ZNF573: variants seen among roughly 807,000 people sequenced by gnomAD.
The protein encoded by ZNF573 is zinc finger protein 573.
Under a neutral mutation model 57.4 loss-of-function variants are expected in ZNF573, and 41 were observed. That is an observed-to-expected ratio of 0.71 (90% CI 0.56 to 0.93). The LOEUF is 0.93. Ranked by LOEUF, ZNF573 falls within the 40% of genes least tolerant of loss-of-function variation. ZNF573 has a pLI of 0.00. For synonymous variants in ZNF573, 249 were observed against 261.0 expected, an observed-to-expected ratio of 0.95 and a Z score of 0.44; for missense variants, 730 against 794.8, an observed-to-expected ratio of 0.92 and a Z score of 0.98.
rs569747879 is a variant in ZNF573, at chr19:37,740,703, T to C, written c.296-509A>G. The C allele has an allele frequency of 7.0e-6, 3 of 427,390 alleles. No individual in the cohort carries two copies. The East Asian group carries it at 2.1e-4, about 30-fold the overall frequency. 26.5% of individuals were successfully genotyped at this position (427,390 alleles called of 1,614,324 possible). ...CCTATTCTCTATCATAGTCCCTCTT[T>C]TCAACACCTGGAATATAGTACAATT... On this transcript the variant is annotated intron_variant, in intron 4 of 4. Coordinates refer to ENST00000536220, the MANE Select transcript of ZNF573 (RefSeq NM_001172690.2).
At chr19:37,760,993 C>T (rs2045547029) in intron 4 of ZNF573, among the ~76,000 whole-genome samples, 1 of 151,822 alleles carries the variant, frequency 6.6e-6, no homozygotes, top group African/African-American at 2.4e-5. Flanking sequence ...AGGTCAGGGG[C>T]TCAAGACCAG....
rs953063514 is a variant in ZNF573 at position 37,740,111 on chromosome 19, T to C, written c.379A>G (p.Ile127Val). Residue 127 changes from isoleucine (I) to valine (V), a missense_variant, in exon 5 of 5, where the codon ATA becomes GTA. By Grantham distance (29) the Ile-to-Val change is conservative (BLOSUM62 3). Coordinates refer to ENST00000536220, the MANE Select transcript of ZNF573 (RefSeq NM_001172690.2). ...TDISSTQLQSIYKREKLYECK... is the reference protein window; with the variant it reads ...TDISSTQLQSVYKREKLYECK... ...TCATAGAGTTTCTCTCTCTTATATA[T>C]GCTCTGAAGTTGTGTAGAGGATATA... The C allele has an allele frequency of 3.1e-6, 5 of 1,613,774 alleles. No individual in the cohort carries two copies. Among genetic ancestry groups the C allele is most frequent in the African/African-American group, 2.7e-5 (2 of 74,936 alleles).
Position 37,740,095 on chromosome 19 carries a change from TTCTC to T in ZNF573, c.391_394del (p.Glu131AsnfsTer74). On this transcript the variant is annotated frameshift_variant, in exon 5 of 5. Coordinates refer to ENST00000536220, the MANE Select transcript of ZNF573 (RefSeq NM_001172690.2). LOFTEE classifies it high-confidence loss of function. The stretch of plus-strand genomic sequence containing the variant: ...CTGACATTTCTTACATTCATAGAGT[TTCTC>T]TCTCTTATATATGCTCTGAAGTTGT... 6.2e-7 allele frequency: 1 copy of T among 1,614,072 alleles called. No individual in the cohort carries two copies. Among genetic ancestry groups the T allele is most frequent in the Non-Finnish European group, 8.5e-7 (1 of 1,179,966 alleles).
intron 4 of ZNF573, among the ~76,000 whole-genome samples, chr19:37,744,650 A>T (rs2045360810): frequency 6.8e-6 from 1 of 148,124 alleles, no homozygotes; most frequent in Non-Finnish European, 1.5e-5. Flanking sequence ...GCAAGGTGGG[A>T]GAATTTCTAG....
At chr19:37,744,257 GA>G (rs1405733909) in intron 4 of ZNF573, among the ~76,000 whole-genome samples, 1 of 152,114 alleles carries the variant, frequency 6.6e-6, no homozygotes, top group Non-Finnish European at 1.5e-5. Context: ...GAGAGATTAG[GA>G]AAAGGAGGCT....
intron 4 of ZNF573, among the ~76,000 whole-genome samples, chr19:37,765,723 AAAAACT>A (rs746896815): frequency 2.5e-4 from 38 of 152,014 alleles, no homozygotes; most frequent in Middle Eastern, 3.4e-3. Context: ...AAACAAAAAC[AAAAACT>A]GTCTAGTTAC....
chr19:37,772,062 A>AT (rs1361259781), intron 2 of ZNF573, among the ~76,000 whole-genome samples: 2 of 152,198 alleles, frequency 1.3e-5, no homozygotes, highest in African/African-American at 4.8e-5. Context: ...TTTCTAAACT[A>AT]TTTTTCCTGT....
At chr19:37,741,977 T>A (rs2045331568) in intron 4 of ZNF573, among the ~76,000 whole-genome samples, 1 of 152,130 alleles carries the variant, frequency 6.6e-6, no homozygotes, top group Non-Finnish European at 1.5e-5. Flanking sequence ...TTCAGCCAAG[T>A]CTCAGGGTAC....
chr19:37,769,246 G>A (rs1295756443), intron 4 of ZNF573, among the ~76,000 whole-genome samples: 4 of 151,592 alleles, frequency 2.6e-5, no homozygotes, highest in Non-Finnish European at 4.4e-5. Context: ...GGGATTACAG[G>A]CATGAGCCAC....
chr19:37,752,036 T>C (rs1448484630), intron 4 of ZNF573, among the ~76,000 whole-genome samples: 1 of 150,242 alleles, frequency 6.7e-6, no homozygotes, highest in African/African-American at 2.5e-5. Flanking sequence ...ATACTGTATA[T>C]AGTATATAGT....
chr19:37,767,779 A>G (rs1287592443), intron 4 of ZNF573, among the ~76,000 whole-genome samples: 1 of 152,254 alleles, frequency 6.6e-6, no homozygotes, highest in Admixed American at 6.5e-5. Context: ...AGCAAAAAAT[A>G]GAATGGAAGA....
At chr19:37,774,635 T>C (rs983975652) in intron 1 of ZNF573, among the ~76,000 whole-genome samples, 1 of 152,148 alleles carries the variant, frequency 6.6e-6, no homozygotes, top group Non-Finnish European at 1.5e-5. Flanking sequence ...TTTAATAAAA[T>C]TTAAAAATTT....
chr19:37,759,256 T>G, intron 4 of ZNF573: 2 of 496,726 alleles, frequency 4.0e-6, no homozygotes, highest in Non-Finnish European at 5.2e-6. Flanking sequence ...CATAGCACCA[T>G]TAGAAATTTA....
At chr19:37,774,153 T>C (rs1052523929) in intron 1 of ZNF573, among the ~76,000 whole-genome samples, 5 of 134,194 alleles carry the variant, frequency 3.7e-5, no homozygotes, top group East Asian at 2.0e-4. Context: ...TTTTTTTTTT[T>C]CTGAGATGGA....
At chr19:37,746,447 T>C (rs1291342473) in intron 4 of ZNF573, among the ~76,000 whole-genome samples, 1 of 152,178 alleles carries the variant, frequency 6.6e-6, no homozygotes, top group Non-Finnish European at 1.5e-5. Context: ...ATACATTTTG[T>C]AGTAGTAGAT....
Position 37,739,437 on chromosome 19 carries a change from A to C in ZNF573, c.1053T>G (p.Ile351Met). The C allele has an allele frequency of 1.9e-6, 3 of 1,614,082 alleles. No individual in the cohort carries two copies. Among genetic ancestry groups the C allele is most frequent in the Non-Finnish European group, 1.7e-6 (2 of 1,180,002 alleles). Residue 351 changes from isoleucine to methionine, a missense_variant, in exon 5 of 5, where the codon ATT becomes ATG. Transcript: ENST00000536220. ...TASYFLLHQRIHKGGKPYECK... is the reference protein window; with the variant it reads ...TASYFLLHQRMHKGGKPYECK... ...ATTCATAGGGTTTTCCACCTTTATG[A>C]ATTCTCTGATGTAGAAGAAAGTATG...
intron 4 of ZNF573, among the ~76,000 whole-genome samples, chr19:37,743,335 A>AAG (rs1555739523): frequency 2.0e-5 from 3 of 150,984 alleles, no homozygotes; most frequent in South Asian, 4.2e-4. Flanking sequence ...AAAAAAAAAA[A>AAG]AAGAAGAAGA....
intron 4 of ZNF573, among the ~76,000 whole-genome samples, chr19:37,756,776 C>A (rs144020526): frequency 6.6e-6 from 1 of 151,580 alleles, no homozygotes; most frequent in Non-Finnish European, 1.5e-5. Context: ...TAATAAAATG[C>A]TACTATATCA....
chr19:37,775,037 C>T (rs1213580605), intron 1 of ZNF573, among the ~76,000 whole-genome samples: 36 of 141,362 alleles, frequency 2.5e-4, no homozygotes, highest in East Asian at 2.0e-4. Flanking sequence ...TTTTAAGGGG[C>T]AGGGGGTCTT....
Sources: allele counts gnomAD v4.1 joint callset (sites outside exome capture counted in the v4.1 genomes callset), GRCh38; gene constraint gnomAD v4.1.1; transcripts MANE v1.5; gene names NCBI Gene and HGNC (gene_info 2026-07-23, HGNC 2026-07-21).